Variants in MBD5 observed in about 807,000 individuals in gnomAD.
MBD5 encodes the protein methyl-CpG binding domain protein 5, also known as methyl-CpG-binding domain protein 5.
A neutral mutation model predicts 117.3 loss-of-function variants in MBD5; 13 were observed. The ratio of observed to expected loss-of-function variants is 0.11; its 90% CI spans 0.07 to 0.18. The LOEUF is 0.18. MBD5 is among the 10% of genes least tolerant of loss of function. The pLI, the probability that MBD5 is intolerant of heterozygous loss-of-function variation, is 1.00. For missense variants in MBD5, 1,879 were observed against 2,093.8 expected (o/e 0.90, Z 2.00); for synonymous variants, 727 against 766.4 (o/e 0.95, Z 0.85).
Position 148,443,043 on chromosome 2 carries a change from A to G in MBD5, c.-556-15160A>G, listed in dbSNP as rs116490039. On this transcript the variant is annotated intron_variant, in intron 4 of 13. Coordinates refer to ENST00000642680, the MANE Select transcript of MBD5 (RefSeq NM_001378120.1). ...ATATACAAGGAGCTCAAACAGCTCTATAGGAAAAAAATCTAATAGTCTGAT... is the reference window on the plus strand; with the variant it reads ...ATATACAAGGAGCTCAAACAGCTCTGTAGGAAAAAAATCTAATAGTCTGAT... Among the ~76,000 whole-genome samples, 1,320 of 151,574 alleles carry G rather than the reference A, an allele frequency of 8.7e-3. 90 individuals are homozygous for G. The highest frequency in any genetic ancestry group is 0.031 in the African/African-American group (1,274 of 40,874).
At chr2:148,485,680 A>G in intron 9 of MBD5, 62 bp from the exon 10 acceptor site, 2 of 1,259,346 alleles carry the variant, frequency 1.6e-6, no homozygotes, top group East Asian at 2.5e-5. Context: ...TCGGGTACAA[A>G]GAGAGGCATC....
intron 4 of MBD5, among the ~76,000 whole-genome samples, chr2:148,390,680 A>T (rs1704546890): frequency 6.6e-6 from 1 of 151,544 alleles, no homozygotes; most frequent in Admixed American, 6.6e-5. Flanking sequence ...GGCTCAAGTG[A>T]TCCTCCCACC....
Position 148,310,058 on chromosome 2 carries a change from T to G in MBD5, c.-679-32156T>G, listed in dbSNP as rs546779047. ...TGGATTCAGTTTGCCAGTATTTTAT[T>G]GAGGATTTTTGCATTGATGTTCATC... is the stretch of plus-strand genomic sequence containing the variant. On this transcript the variant is annotated intron_variant, in intron 3 of 13. Coordinates refer to ENST00000642680, the MANE Select transcript of MBD5 (RefSeq NM_001378120.1). Among the ~76,000 whole-genome samples, 24 of 152,312 alleles carry G rather than the reference T, an allele frequency of 1.6e-4. 1 individual carries two copies. The South Asian group carries it at 4.8e-3, about 30-fold the overall frequency.
chr2:148,199,922 C>T (rs944819477), intron 2 of MBD5, among the ~76,000 whole-genome samples: 1 of 152,084 alleles, frequency 6.6e-6, no homozygotes, highest in African/African-American at 2.4e-5. Context: ...GATTTTTAAA[C>T]TACTACATCA....
intron 1 of MBD5, among the ~76,000 whole-genome samples, chr2:148,065,267 T>A (rs1695155642): frequency 1.3e-5 from 2 of 152,174 alleles, no homozygotes; most frequent in African/African-American, 4.8e-5. Flanking sequence ...GTCTTTGTGA[T>A]GAGCCTCTCC....
At chr2:148,029,744 C>CT (rs1200807221) in intron 1 of MBD5, among the ~76,000 whole-genome samples, 4 of 152,126 alleles carry the variant, frequency 2.6e-5, no homozygotes, top group African/African-American at 7.2e-5. Flanking sequence ...ACATTGGTTT[C>CT]TTTTTTTACG....
intron 8 of MBD5, among the ~76,000 whole-genome samples, chr2:148,472,626 T>A (rs752365785): frequency 6.6e-6 from 1 of 152,080 alleles, no homozygotes; most frequent in Non-Finnish European, 1.5e-5. Context: ...AAATATCTGT[T>A]TACACTGACA....
At position 148,389,333 on chromosome 2, in the gene MBD5, A is replaced by C. The variant is rs1704494450; in HGVS notation, c.-557+46997A>C. Among the ~76,000 whole-genome samples, 3 of 130,714 alleles carry C rather than the reference A, an allele frequency of 2.3e-5. No homozygotes were observed. In the South Asian group the frequency reaches 7.9e-4, roughly 34 times the overall value. The allele number at this position is 130,714 out of a possible 152,430, so 85.8% of individuals were successfully genotyped here. On this transcript the variant is annotated intron_variant, in intron 4 of 13. Transcript: ENST00000642680. ...TTTTCTTTATCCAACCCAACCCAGC[A>C]TTGATGGCACTTAGCTTGATTCCAT...
intron 4 of MBD5, among the ~76,000 whole-genome samples, chr2:148,387,744 A>T (rs1049855354): frequency 2.0e-5 from 3 of 152,130 alleles, no homozygotes; most frequent in Non-Finnish European, 2.9e-5. Context: ...AATACAAAAA[A>T]GTTAGAAAAG....
At chr2:148,179,054 G>T (rs1037988200) in intron 2 of MBD5, among the ~76,000 whole-genome samples, 1 of 152,026 alleles carries the variant, frequency 6.6e-6, no homozygotes, top group Admixed American at 6.5e-5. Flanking sequence ...TAAGAATAAA[G>T]AATAAAAAAG....
chr2:148,153,768 C>T (rs1306316812), intron 1 of MBD5, among the ~76,000 whole-genome samples: 3 of 144,230 alleles, frequency 2.1e-5, no homozygotes, highest in Non-Finnish European at 3.0e-5. Flanking sequence ...CCGTAGTTCT[C>T]GAGCCTTGGT....
chr2:148,045,065 T>C (rs1694478139), intron 1 of MBD5, among the ~76,000 whole-genome samples: 1 of 152,176 alleles, frequency 6.6e-6, no homozygotes, highest in African/African-American at 2.4e-5. Context: ...CACAAATACA[T>C]CATTATGTCT....
chr2:148,181,527 A>T (rs1332674758), intron 2 of MBD5, among the ~76,000 whole-genome samples: 1 of 152,148 alleles, frequency 6.6e-6, no homozygotes, highest in Non-Finnish European at 1.5e-5. Context: ...TTTCCAGCTT[A>T]CTCATGTTTT....
rs1553474121 is a variant in MBD5, at chr2:148,118,435, AAT to A, written c.-924-60249_-924-60248del. Among the ~76,000 whole-genome samples the A allele has an allele frequency of 6.6e-4, 98 of 148,540 alleles. 1 individual carries two copies. Among genetic ancestry groups the A allele is most frequent in the African/African-American group, 1.8e-3 (71 of 40,470 alleles). ...GACCAGCCTGGGCAACATAAAAAAA[AAT>A]ATATATATATATATAGTTTAAATTA... On this transcript the variant is annotated intron_variant, in intron 1 of 13. Transcript: ENST00000642680.
intron 1 of MBD5, among the ~76,000 whole-genome samples, chr2:148,083,363 G>C (rs563480670): frequency 9.9e-5 from 15 of 152,182 alleles, no homozygotes; most frequent in African/African-American, 3.6e-4. Context: ...ATTGATTACA[G>C]TTTAGCGTTA....
At chr2:148,277,334 G>A (rs969120042) in intron 3 of MBD5, among the ~76,000 whole-genome samples, 13 of 152,066 alleles carry the variant, frequency 8.5e-5, no homozygotes, top group African/African-American at 1.7e-4. Flanking sequence ...GAAGCATATC[G>A]TAGAACTAAT....
chr2:148,177,144 G>A (rs1698410822), intron 1 of MBD5, among the ~76,000 whole-genome samples: 1 of 152,118 alleles, frequency 6.6e-6, no homozygotes, highest in African/African-American at 2.4e-5. Context: ...AAGCTGGTGG[G>A]TCTCAGGATT....
intron 2 of MBD5, among the ~76,000 whole-genome samples, chr2:148,210,376 C>T (rs780251546): frequency 8.0e-4 from 122 of 151,854 alleles, no homozygotes; most frequent in Non-Finnish European, 1.2e-3. Flanking sequence ...TCAAACATAC[C>T]TCATTTATTA....
chr2:148,339,848 T>G (rs1225065043), intron 3 of MBD5, among the ~76,000 whole-genome samples: 1 of 152,198 alleles, frequency 6.6e-6, no homozygotes, highest in Non-Finnish European at 1.5e-5. Context: ...CTTTTTTATT[T>G]TTATAGAAAA....
Sources: gnomAD v4.1 joint callset for allele counts (sites outside exome capture counted in the v4.1 genomes callset) on GRCh38, gnomAD v4.1.1 for gene constraint, MANE v1.5 for transcripts, NCBI Gene and HGNC (gene_info 2026-07-23, HGNC 2026-07-21) for gene names.